The following ITGBL1 variants were observed in gnomAD, a reference collection of about 807,000 sequenced individuals.
ITGBL1 encodes the protein integrin subunit beta like 1.
ITGBL1 carries 51 observed loss-of-function variants against 68.5 expected under a neutral mutation model. The ratio of observed to expected loss-of-function variants is 0.74; its 90% CI spans 0.59 to 0.94. ITGBL1 has a LOEUF of 0.94. Ranked by LOEUF, ITGBL1 falls within the 40% of genes least tolerant of loss-of-function variation. The pLI, the probability that ITGBL1 is intolerant of heterozygous loss-of-function variation, is 0.00. For missense variants in ITGBL1, 649 were observed against 647.4 expected (o/e 1.00, Z -0.03); for synonymous variants, 209 against 227.3 (o/e 0.92, Z 0.72).
chr13:101,648,386 G>A (rs1458392702), intron 7 of ITGBL1, among the ~76,000 whole-genome samples: 4 of 152,180 alleles, frequency 2.6e-5, no homozygotes, highest in Non-Finnish European at 5.9e-5. Context: ...GAGAACTCAA[G>A]TAGTGCGTTT....
At chr13:101,664,061 C>T (rs958397183) in intron 7 of ITGBL1, among the ~76,000 whole-genome samples, 13 of 152,160 alleles carry the variant, frequency 8.5e-5, no homozygotes, top group African/African-American at 3.1e-4. Context: ...AAATTAACCA[C>T]ATGAACAATG....
intron 2 of ITGBL1, among the ~76,000 whole-genome samples, chr13:101,485,515 C>T (rs186340304): frequency 1.3e-4 from 20 of 152,196 alleles, no homozygotes; most frequent in Admixed American, 8.5e-4. Flanking sequence ...TAAGAATGGC[C>T]GTAATTAGGC....
intron 9 of ITGBL1, among the ~76,000 whole-genome samples, chr13:101,707,856 GA>G (rs571925236): frequency 0.077 from 5,337 of 69,588 alleles, 314 homozygotes; most frequent in African/African-American, 0.22. Flanking sequence ...CCATCTCCCA[GA>G]AAAAAAAAAA....
At chr13:101,580,441 ATTAT>A (rs1157827854) in intron 5 of ITGBL1, among the ~76,000 whole-genome samples, 1 of 26,220 alleles carries the variant, frequency 3.8e-5, no homozygotes, top group Non-Finnish European at 1.5e-4. Flanking sequence ...GTTTCTTTTT[ATTAT>A]TTATTATTAT....
intron 2 of ITGBL1, among the ~76,000 whole-genome samples, chr13:101,563,103 A>G (rs1018640434): frequency 3.2e-4 from 49 of 151,410 alleles, no homozygotes; most frequent in African/African-American, 1.1e-3. Flanking sequence ...ATTTAACTGA[A>G]TGAAAATAAA....
At chr13:101,654,548 T>G (rs1466345902) in intron 7 of ITGBL1, among the ~76,000 whole-genome samples, 1 of 152,132 alleles carries the variant, frequency 6.6e-6, no homozygotes, top group Non-Finnish European at 1.5e-5. Flanking sequence ...TTGGTCTGAG[T>G]TACTGTCTGA....
rs2034694541 is a variant in ITGBL1 at position 101,715,775 on chromosome 13, A to G, written c.*121A>G. 5.1e-6 allele frequency: 3 copies of G among 586,658 alleles called. No homozygotes were observed. The highest frequency in any genetic ancestry group is 2.8e-5 in the South Asian group (1 of 36,014). The allele number at this position is 586,658 out of a possible 1,614,324, so 36.3% of individuals were successfully genotyped here. ...TAAAAAGACCATTGTATGTTTTTCT[A>G]TTTCTGAATTACGAATGAAATCCGA... On this transcript the variant is annotated 3_prime_UTR_variant, in exon 11 of 11. Transcript: ENST00000376180.
chr13:101,518,954 T>C (rs2049239249), intron 2 of ITGBL1, among the ~76,000 whole-genome samples: 1 of 152,202 alleles, frequency 6.6e-6, no homozygotes, highest in African/African-American at 2.4e-5. Context: ...TTAGCTATTA[T>C]ACTTAGACAT....
intron 2 of ITGBL1, among the ~76,000 whole-genome samples, chr13:101,557,102 G>A (rs1212665594): frequency 1.3e-5 from 2 of 152,164 alleles, no homozygotes; most frequent in South Asian, 2.1e-4. Flanking sequence ...GCTCCTGCTG[G>A]GGCATGAGGA....
intron 7 of ITGBL1, among the ~76,000 whole-genome samples, chr13:101,655,935 A>G (rs1462673034): frequency 6.6e-6 from 1 of 152,198 alleles, no homozygotes; most frequent in Non-Finnish European, 1.5e-5. Flanking sequence ...AGACCCTGAG[A>G]ACATGTGTCG....
At chr13:101,604,887 T>TATAC in intron 7 of ITGBL1, among the ~76,000 whole-genome samples, 2 of 22,164 alleles carry the variant, frequency 9.0e-5, no homozygotes, top group African/African-American at 3.0e-4. Flanking sequence ...TATATATATA[T>TATAC]ACACACACAC....
chr13:101,621,597 C>T (rs770689480), intron 7 of ITGBL1, among the ~76,000 whole-genome samples: 6 of 152,148 alleles, frequency 3.9e-5, no homozygotes, highest in Non-Finnish European at 8.8e-5. Flanking sequence ...GGTTCCCACA[C>T]TCTAGAATTT....
chr13:101,516,999 G>T (rs2049205907), intron 2 of ITGBL1, among the ~76,000 whole-genome samples: 1 of 152,102 alleles, frequency 6.6e-6, no homozygotes. Context: ...ATTTGCAAAG[G>T]TTTCTATGGC....
intron 7 of ITGBL1, among the ~76,000 whole-genome samples, chr13:101,632,490 T>C (rs1447485420): frequency 6.6e-6 from 1 of 152,198 alleles, no homozygotes; most frequent in Non-Finnish European, 1.5e-5. Flanking sequence ...TTGGAGAAAG[T>C]GCACACCTAC....
intron 2 of ITGBL1, among the ~76,000 whole-genome samples, chr13:101,558,013 C>T (rs568086721): frequency 7.6e-6 from 1 of 130,830 alleles, no homozygotes; most frequent in Non-Finnish European, 1.6e-5. Context: ...TGCTTGAATT[C>T]GGGAGGCGGA....
chr13:101,615,225 T>A (rs1225349281), intron 7 of ITGBL1, among the ~76,000 whole-genome samples: 1 of 151,984 alleles, frequency 6.6e-6, no homozygotes, highest in Non-Finnish European at 1.5e-5. Flanking sequence ...TTCTCCTTTC[T>A]CCCATAAGCA....
chr13:101,678,916 A>AT (rs36009434), intron 7 of ITGBL1, among the ~76,000 whole-genome samples: 65,520 of 149,068 alleles, frequency 0.44, 15,493 homozygotes, highest in East Asian at 0.86. Context: ...ACTTTTTTTA[A>AT]TTTTTTTTTT....
intron 2 of ITGBL1, among the ~76,000 whole-genome samples, chr13:101,485,276 A>G (rs1050210007): frequency 1.3e-5 from 2 of 152,340 alleles, no homozygotes; most frequent in South Asian, 4.1e-4. Flanking sequence ...TAAGTCATGA[A>G]AAGAACTAGA....
intron 2 of ITGBL1, among the ~76,000 whole-genome samples, chr13:101,548,494 AATATTTTCTAT>A (rs1418661902): frequency 2.0e-5 from 3 of 151,962 alleles, no homozygotes; most frequent in Admixed American, 1.3e-4. Context: ...AAAATGGGTG[AATATTTTCTAT>A]ATATGAAAAG....
Sources: allele counts gnomAD v4.1 joint callset (sites outside exome capture counted in the v4.1 genomes callset), GRCh38; gene constraint gnomAD v4.1.1; transcripts MANE v1.5; gene names NCBI Gene and HGNC (gene_info 2026-07-23, HGNC 2026-07-21).